Variants in AVIL observed in about 807,000 individuals in gnomAD.
The protein encoded by AVIL is advillin.
In AVIL, 78 loss-of-function variants were observed where a neutral mutation model predicts 109.9. The ratio of observed to expected loss-of-function variants is 0.71; its 90% CI spans 0.59 to 0.86. The LOEUF (loss-of-function observed/expected upper bound fraction) is 0.86, where lower values mean the gene tolerates loss of function less well. Ranked by LOEUF, AVIL falls within the 40% of genes least tolerant of loss-of-function variation. AVIL has a pLI of 0.00. For synonymous variants in AVIL, 367 were observed against 379.1 expected (o/e 0.97, Z 0.37); for missense variants, 892 against 1,016.5 (o/e 0.88, Z 1.67).
chr12:57,808,111 A>G, intron 11 of AVIL, 83 bp downstream of exon 11: 7 of 1,472,148 alleles, frequency 4.8e-6, no homozygotes, highest in Middle Eastern at 1.7e-4. Context: ...AAGCAGACAC[A>G]GAATCACCTG....
intron 14 of AVIL, 80 bp from the exon 15 acceptor site, chr12:57,803,749 T>C: frequency 6.5e-7 from 1 of 1,535,780 alleles, no homozygotes; most frequent in Non-Finnish European, 8.8e-7. Context: ...CTGAGACTAA[T>C]AACTCAGTGT....
At chr12:57,802,863 T>G (rs139034614) in intron 16 of AVIL, 3 of 552,000 alleles carry the variant, frequency 5.4e-6, no homozygotes, top group East Asian at 5.9e-5. Flanking sequence ...ACTGCCCTTA[T>G]GTGGGCCCAC....
intron 6 of AVIL, 43 bp downstream of exon 6, chr12:57,810,773 A>C: frequency 6.3e-7 from 1 of 1,587,410 alleles, no homozygotes; most frequent in Non-Finnish European, 8.6e-7. Flanking sequence ...GGAGGGAAGA[A>C]GAAAGAGGAA....
intron 1 of AVIL, among the ~76,000 whole-genome samples, chr12:57,817,894 C>T (rs1368840765): frequency 6.6e-6 from 1 of 152,200 alleles, no homozygotes; most frequent in Non-Finnish European, 1.5e-5. Flanking sequence ...ATTCAGTATC[C>T]TTTGAGAGGA....
rs763782471 is a variant in AVIL, at chr12:57,807,649, G to T, written c.1273C>A (p.Leu425Met). Residue 425 changes from leucine to methionine, a missense_variant, in exon 12 of 20, where the codon CTG becomes ATG. Physicochemically the swap from Leu to Met is conservative, Grantham distance 15 (BLOSUM62 2). Transcript: ENST00000549994. Reference sequence around the variant, plus strand: ...TTTACCTCGTATGTGTAGAGGACCAGATAACAGTCTCCCCCATAAAAGAAG... The same window carrying T: ...TTTACCTCGTATGTGTAGAGGACCATATAACAGTCTCCCCCATAAAAGAAG... ...YGFFYGGDCY[L>M]VLYTYEVNGK... 3.5e-5 allele frequency: 56 copies of T among 1,614,070 alleles called. No individual in the cohort carries two copies. The highest frequency in any genetic ancestry group is 4.2e-5 in the Non-Finnish European group (49 of 1,180,042).
intron 19 of AVIL, among the ~76,000 whole-genome samples, chr12:57,799,418 G>T (rs1955801002): frequency 1.3e-5 from 2 of 152,220 alleles, no homozygotes; most frequent in Non-Finnish European, 2.9e-5. Context: ...TTTAAATGTA[G>T]TGGGAAGCTA....
At position 57,815,699 on chromosome 12, in the gene AVIL, G is replaced by A. The variant is rs944147933; in HGVS notation, c.66+276C>T. On this transcript the variant is annotated intron_variant, in intron 2 of 19. Coordinates refer to ENST00000549994, the MANE Select transcript of AVIL (RefSeq NM_006576.4). Reference sequence around the variant, plus strand: ...TGTCTTTCCAGGGTGTTTCCTGCAAGTGCAGACTCACTGAGCAGGTGGCTG... The same window carrying A: ...TGTCTTTCCAGGGTGTTTCCTGCAAATGCAGACTCACTGAGCAGGTGGCTG... 2.0e-5 allele frequency: 28 copies of A among 1,380,016 alleles called. No individual in the cohort carries two copies. In the African/African-American group the frequency reaches 2.6e-4, roughly 13 times the overall value. 85.5% of individuals were successfully genotyped at this position (1,380,016 alleles called of 1,614,324 possible). A position where few individuals can be genotyped will look rare whatever the true frequency, so the allele number is the denominator to read the frequency against.
chr12:57,802,421 C>G, intron 16 of AVIL, 73 bp from the exon 17 acceptor site: 1 of 1,480,262 alleles, frequency 6.8e-7, no homozygotes, highest in Middle Eastern at 1.7e-4. Context: ...TACACATTAC[C>G]CTATCTTTCC....
At chr12:57,818,534 A>G (rs1271937093) in intron 1 of AVIL, 95 bp downstream of exon 1, 1 of 152,210 alleles carries the variant, frequency 6.6e-6, no homozygotes, top group African/African-American at 2.4e-5. Context: ...TCATCTCAGA[A>G]GACAAAGCCA....
At chr12:57,810,962 T>C (rs1956029622) in intron 5 of AVIL, 36 bp from the exon 6 acceptor site, 1 of 1,613,826 alleles carries the variant, frequency 6.2e-7, no homozygotes, top group Non-Finnish European at 8.5e-7. Flanking sequence ...CAGGAGGAAT[T>C]CTTAGGTGCC....
chr12:57,800,803 T>A (rs925573358), intron 18 of AVIL: 3 of 170,686 alleles, frequency 1.8e-5, no homozygotes, highest in African/African-American at 7.2e-5. Flanking sequence ...AGACGGGGTT[T>A]CACCATATTA....
intron 2 of AVIL, chr12:57,815,754 G>T: frequency 1.4e-6 from 2 of 1,441,928 alleles, no homozygotes; most frequent in Non-Finnish European, 9.1e-7. Context: ...TTTGTCTGGA[G>T]CCCTGTTCTT....
chr12:57,804,299 C>T (rs1006162293), intron 14 of AVIL: 2 of 152,216 alleles, frequency 1.3e-5, no homozygotes, highest in Non-Finnish European at 2.9e-5. Context: ...GGTTTACCAG[C>T]GCGCTGCTCA....
rs201008929 is a variant in AVIL at position 57,802,196 on chromosome 12, T to C, written c.2115A>G (p.Thr705=). Residue 705 remains threonine (T), a synonymous_variant, in exon 17 of 20, where the codon ACA becomes ACG. Coordinates refer to ENST00000549994, the MANE Select transcript of AVIL (RefSeq NM_006576.4). ...IKQGFEPPIF[T]GWFLAWDPNI... ...TAGGGTCCCAGGCTAGGAACCAGCCTGTGAAGATGGGAGGCTCAAACCCCT... is the reference window on the plus strand; with the variant it reads ...TAGGGTCCCAGGCTAGGAACCAGCCCGTGAAGATGGGAGGCTCAAACCCCT... 25 of 1,614,012 alleles carry C rather than the reference T, an allele frequency of 1.5e-5. No individual in the cohort carries two copies. The East Asian group carries it at 5.6e-4, about 36-fold the overall frequency.
At chr12:57,815,753 A>G in intron 2 of AVIL, 1 of 1,440,230 alleles carries the variant, frequency 6.9e-7, no homozygotes, top group Non-Finnish European at 9.1e-7. Context: ...TTTTGTCTGG[A>G]GCCCTGTTCT....
In AVIL at chr12:57,811,088, C is replaced by T; in HGVS notation, c.378G>A (p.Val126=). ...QGGVASGMKH[V]ETNTYDVKRL... ...GCTTCACGTCGTAGGTATTGGTCTC[C>T]ACGTGCTTCATCCCAGAGGCGACAC... Residue 126 remains valine (V), a synonymous_variant, in exon 5 of 20, where the codon GTG becomes GTA. Transcript: ENST00000549994. The T allele has an allele frequency of 6.2e-7, 1 of 1,614,154 alleles. No individual in the cohort carries two copies. Among genetic ancestry groups the T allele is most frequent in the East Asian group, 2.2e-5 (1 of 44,870 alleles).
intron 13 of AVIL, 90 bp from the exon 14 acceptor site, chr12:57,806,629 GTAT>G: frequency 1.4e-6 from 2 of 1,453,490 alleles, no homozygotes; most frequent in African/African-American, 1.4e-5. Context: ...GAATGTTATA[GTAT>G]TATGTTTGCC....
At position 57,813,575 on chromosome 12, in the gene AVIL, C is replaced by T. The variant is rs112946584; in HGVS notation, c.142-152G>A. 1,630 of 731,328 alleles carry T rather than the reference C, an allele frequency of 2.2e-3. 17 individuals carry two copies. In the African/African-American group the frequency reaches 0.026, roughly 12 times the overall value. 45.3% of individuals were successfully genotyped at this position (731,328 alleles called of 1,614,324 possible). A position where few individuals can be genotyped will look rare whatever the true frequency, so the allele number is the denominator to read the frequency against. Reference sequence around the variant, plus strand: ...TGGATGTGGGAGCTGCCCTGGCCCCCGAGCAGACCTGCGATCATGGCATAA... The same window carrying T: ...TGGATGTGGGAGCTGCCCTGGCCCCTGAGCAGACCTGCGATCATGGCATAA... On this transcript the variant is annotated intron_variant, in intron 3 of 19. Coordinates refer to ENST00000549994, the MANE Select transcript of AVIL (RefSeq NM_006576.4).
chr12:57,807,221 C>T, intron 13 of AVIL, 110 bp downstream of exon 13: 2 of 1,514,864 alleles, frequency 1.3e-6, no homozygotes, highest in Non-Finnish European at 1.8e-6. Flanking sequence ...TCTGTCTAAT[C>T]CAAGCCTGAC....
Sources: gnomAD v4.1 joint callset for allele counts (sites outside exome capture counted in the v4.1 genomes callset) on GRCh38, gnomAD v4.1.1 for gene constraint, MANE v1.5 for transcripts, NCBI Gene and HGNC (gene_info 2026-07-23, HGNC 2026-07-21) for gene names.